NPR1: variants seen among roughly 807,000 people sequenced by gnomAD.
NPR1 encodes the protein atrial natriuretic peptide receptor 1.
In NPR1, 57 loss-of-function variants were observed where a neutral mutation model predicts 116.9. The ratio of observed to expected loss-of-function variants is 0.49; its 90% CI spans 0.39 to 0.61. NPR1 has a LOEUF of 0.61. NPR1 is among the 20% of genes least tolerant of loss of function. The probability of loss-of-function intolerance (pLI) is 0.00; values close to 1 mark genes in which losing one functional copy is unlikely to be tolerated. For synonymous variants in NPR1, 555 were observed against 601.6 expected (o/e 0.92, Z 1.13); for missense variants, 1,096 against 1,409.8 (o/e 0.78, Z 3.56).
chr1:153,679,143 T>C lies in NPR1; in HGVS notation c.35T>C (p.Leu12Pro). The C allele has an allele frequency of 6.8e-7, 1 of 1,465,926 alleles. No homozygotes were observed. The highest frequency in any genetic ancestry group is 2.8e-5 in the East Asian group (1 of 35,504). The allele number at this position is 1,465,926 out of a possible 1,614,324, so 90.8% of individuals were successfully genotyped here. A position where few individuals can be genotyped will look rare whatever the true frequency, so the allele number is the denominator to read the frequency against. ...PGPRRPAGSR[L>P]RLLLLLLLPP... ...CCCCGGCGCCCCGCTGGCTCCCGCC[T>C]GCGCCTGCTCCTGCTCCTGCTGCTG... The change falls in exon 1 of 22, where the codon CTG becomes CCG. Residue 12 changes from leucine to proline, a missense_variant. By Grantham distance (98) the Leu-to-Pro change is moderately conservative (BLOSUM62 -3). Coordinates refer to ENST00000368680, the MANE Select transcript of NPR1 (RefSeq NM_000906.4). The surrounding 1 kb of genome is among the most constrained non-coding windows in gnomAD (Gnocchi z 4.2).
At chr1:153,685,675 C>G (rs1669906187) in intron 8 of NPR1, 131 bp from the exon 9 acceptor site, 2 of 725,880 alleles carry the variant, frequency 2.8e-6, no homozygotes, top group African/African-American at 1.8e-5. Flanking sequence ...AAAAAAAACC[C>G]AACAACAAAA....
chr1:153,690,275 T>C lies in NPR1; in HGVS notation c.2933-9T>C, dbSNP rs1670069925. The C allele has an allele frequency of 1.3e-6, 2 of 1,551,768 alleles. No individual in the cohort carries two copies. The highest frequency in any genetic ancestry group is 8.7e-7 in the Non-Finnish European group (1 of 1,145,786). On this transcript the variant is annotated splice_polypyrimidine_tract_variant and intron_variant, in intron 19 of 21. Coordinates refer to ENST00000368680, the MANE Select transcript of NPR1 (RefSeq NM_000906.4). ...TGATGGGCTCTGCTCCTTCCCTTGCTCCTCCCAGGACCTGTGTGTGCTGGA... is the reference window on the plus strand; with the variant it reads ...TGATGGGCTCTGCTCCTTCCCTTGCCCCTCCCAGGACCTGTGTGTGCTGGA...
At position 153,688,034 on chromosome 1, in the gene NPR1, C is replaced by T; in HGVS notation, c.2249-19C>T. 6.4e-7 allele frequency: 1 copy of T among 1,553,006 alleles called. No homozygotes were observed. Reference sequence around the variant, plus strand: ...CTTGGCCAGCCCCACCCCTCAGCTCCTCTACCCCCCCAATACAGAGATCAT... The same window carrying T: ...CTTGGCCAGCCCCACCCCTCAGCTCTTCTACCCCCCCAATACAGAGATCAT... On this transcript the variant is annotated intron_variant, in intron 14 of 21. Coordinates refer to ENST00000368680, the MANE Select transcript of NPR1 (RefSeq NM_000906.4).
chr1:153,683,961 G>C (rs1029387940), intron 7 of NPR1, 137 bp downstream of exon 7: 1 of 729,160 alleles, frequency 1.4e-6, no homozygotes, highest in Non-Finnish European at 2.4e-6. Flanking sequence ...GAGGAAGAAA[G>C]GAGGCTTAAA....
At chr1:153,691,886 CAA>C (rs5777878) in intron 20 of NPR1, among the ~76,000 whole-genome samples, 16 of 133,142 alleles carry the variant, frequency 1.2e-4, no homozygotes, top group African/African-American at 2.1e-4. Flanking sequence ...GACTCTGTCT[CAA>C]AAAAAAAAAA....
At chr1:153,681,059 G>C in intron 2 of NPR1, 121 bp from the exon 3 acceptor site, 1 of 682,694 alleles carries the variant, frequency 1.5e-6, no homozygotes, top group East Asian at 2.5e-5. Flanking sequence ...ATAGGGTCCA[G>C]TTTGACCTTG....
rs780260155 is a variant in NPR1 at position 153,693,430 on chromosome 1, ATC to A, written c.*17_*18del. ...CCGAGGCTGACCTGCCTCCTCTCCT[ATC>A]CCTCCACACCTCCCTACCCTGTGCC... On this transcript the variant is annotated 3_prime_UTR_variant, in exon 22 of 22. Transcript: ENST00000368680. 1.9e-6 allele frequency: 3 copies of A among 1,567,030 alleles called. No homozygotes were observed. Among genetic ancestry groups the A allele is most frequent in the Non-Finnish European group, 2.6e-6 (3 of 1,158,834 alleles).
chr1:153,688,228 GGT>G lies in NPR1; in HGVS notation c.2417+10_2417+11del, dbSNP rs1162941372. ...CGTTGCGCAAATTTAACAGGTCCCT[GGT>G]GTTTGTCATGGATCCCCCAGGCCCT... On this transcript the variant is annotated splice_region_variant and intron_variant, in intron 15 of 21. Transcript: ENST00000368680. 1.2e-6 allele frequency: 2 copies of G among 1,612,214 alleles called. No homozygotes were observed. Among genetic ancestry groups the G allele is most frequent in the Middle Eastern group, 1.7e-4 (1 of 6,046 alleles).
chr1:153,680,668 G>A lies in NPR1; in HGVS notation c.889G>A (p.Gly297Arg), dbSNP rs1669746109. 6.2e-7 allele frequency: 1 copy of A among 1,614,000 alleles called. No homozygotes were observed. Among genetic ancestry groups the A allele is most frequent in the Non-Finnish European group, 8.5e-7 (1 of 1,179,980 alleles). Residue 297 changes from glycine (G) to arginine (R), a missense_variant, in exon 2 of 22, where the codon GGG (glycine) becomes AGG (arginine). Coordinates refer to ENST00000368680, the MANE Select transcript of NPR1 (RefSeq NM_000906.4). ...APRRPWERGD[G>R]QDVSARQAFQ... ...CCGCAGGCCCTGGGAGAGAGGGGAT[G>A]GGCAGGATGTCAGTGCCCGCCAGGC...
chr1:153,679,805 C>A lies in NPR1; in HGVS notation c.697C>A (p.Arg233=), dbSNP rs755262772. 3 of 1,544,224 alleles carry A rather than the reference C, an allele frequency of 1.9e-6. No individual in the cohort carries two copies. Among genetic ancestry groups the A allele is most frequent in the Non-Finnish European group, 2.6e-6 (3 of 1,149,324 alleles). ...CCTCAGCCACTACACCAGGCTGCTG[C>A]GGACCATGCCGCGCAAAGGCCGAGG... ...DDLSHYTRLL[R]TMPRKGRVIY... The change falls in exon 1 of 22, where the codon CGG becomes AGG. Residue 233 remains arginine, a synonymous_variant. Coordinates refer to ENST00000368680, the MANE Select transcript of NPR1 (RefSeq NM_000906.4). This position sits in a 1 kb window ranked among gnomAD's most constrained non-coding sequence, Gnocchi z 4.2.
Position 153,680,763 on chromosome 1 carries a change from T to A in NPR1, c.921+63T>A. 3 of 1,347,562 alleles carry A rather than the reference T, an allele frequency of 2.2e-6. No homozygotes were observed. In the South Asian group the frequency reaches 3.9e-5, roughly 17 times the overall value. The allele number at this position is 1,347,562 out of a possible 1,614,324, so 83.5% of individuals were successfully genotyped here. ...TGTGGCACATCATTTCTGGGCACTG[T>A]GTCCCTCAGCGTCTGAAAGAATTCC... On this transcript the variant is annotated intron_variant, in intron 2 of 21. Coordinates refer to ENST00000368680, the MANE Select transcript of NPR1 (RefSeq NM_000906.4).
chr1:153,678,958 A>G lies in NPR1; in HGVS notation c.-151A>G. ...TCTCGGCCCAGACCGTCGCAGCTAC[A>G]GGGGGCCTCGAGCCCCGGGGTGAGC... is the stretch of plus-strand genomic sequence containing the variant. On this transcript the variant is annotated 5_prime_UTR_variant, in exon 1 of 22. Transcript: ENST00000368680. This position sits in a 1 kb window ranked among gnomAD's most constrained non-coding sequence, Gnocchi z 5.8. 2.9e-6 allele frequency: 3 copies of G among 1,028,882 alleles called. No homozygotes were observed. The highest frequency in any genetic ancestry group is 3.9e-6 in the Non-Finnish European group (3 of 767,742). The allele number at this position is 1,028,882 out of a possible 1,614,324, so 63.7% of individuals were successfully genotyped here.
At chr1:153,690,440 T>A (rs1670075862) in intron 20 of NPR1, 58 bp downstream of exon 20, 1 of 1,316,424 alleles carries the variant, frequency 7.6e-7, no homozygotes, top group Non-Finnish European at 1.1e-6. Flanking sequence ...GGAAATGCCA[T>A]CCTGGGGCAG....
intron 1 of NPR1, 109 bp from the exon 2 acceptor site, chr1:153,680,392 T>A: frequency 3.3e-6 from 3 of 915,070 alleles, no homozygotes; most frequent in Non-Finnish European, 5.1e-6. Context: ...TCACTGGGTC[T>A]CTCCTGCACC....
In NPR1 at chr1:153,687,684, C is replaced by T. The variant is rs770463801; in HGVS notation, c.2143C>T (p.Arg715Trp). The T allele has an allele frequency of 1.1e-5, 18 of 1,605,812 alleles. No homozygotes were observed. The highest frequency in any genetic ancestry group is 1.4e-5 in the Non-Finnish European group (17 of 1,173,506). ...ELLRMASPPV[R>W]GSQAGDVYSF... ...CCTGCGAATGGCTTCACCCCCTGTG[C>T]GGGGCTCCCAGGCTGGTGACGTATA... The change falls in exon 14 of 22, where the codon CGG (arginine) becomes TGG (tryptophan). Residue 715 changes from arginine to tryptophan, a missense_variant. Arg to Trp is a moderately radical substitution (Grantham distance 101, BLOSUM62 -3). Coordinates refer to ENST00000368680, the MANE Select transcript of NPR1 (RefSeq NM_000906.4).
chr1:153,683,873 C>A, intron 7 of NPR1, 49 bp downstream of exon 7: 2 of 1,557,500 alleles, frequency 1.3e-6, no homozygotes, highest in Non-Finnish European at 1.8e-6. Flanking sequence ...CCCGGAGAAC[C>A]AATAGCAGAG....
chr1:153,679,161 TGCTGCTGCCGCC>T lies in NPR1; in HGVS notation c.62_73del (p.Pro21_Leu24del), dbSNP rs1398973985. On this transcript the variant is annotated inframe_deletion, in exon 1 of 22. Coordinates refer to ENST00000368680, the MANE Select transcript of NPR1 (RefSeq NM_000906.4). This position sits in a 1 kb window ranked among gnomAD's most constrained non-coding sequence, Gnocchi z 4.2. ...TCCCGCCTGCGCCTGCTCCTGCTCC[TGCTGCTGCCGCC>T]GCTGCTGCTGCTGCTCCGGGGCAGC... is the stretch of plus-strand genomic sequence containing the variant. 6.0e-6 allele frequency: 9 copies of T among 1,500,272 alleles called. No homozygotes were observed. The Admixed American group carries it at 1.1e-4, about 18-fold the overall frequency. The allele number at this position is 1,500,272 out of a possible 1,614,324, so 92.9% of individuals were successfully genotyped here.
rs756510209 is a variant in NPR1 at position 153,688,197 on chromosome 1, G to A, written c.2393G>A (p.Arg798His). 1.4e-5 allele frequency: 23 copies of A among 1,613,536 alleles called. No homozygotes were observed. Among genetic ancestry groups the A allele is most frequent in the East Asian group, 2.2e-5 (1 of 44,884 alleles). Residue 798 changes from arginine to histidine, a missense_variant, in exon 15 of 22, where the codon CGC (arginine) becomes CAC (histidine). Arg to His is a conservative substitution (Grantham distance 29). Transcript: ENST00000368680. ...PQERPPFQQI[R>H]LTLRKFNREN... is the part of the protein sequence containing the mutation. The stretch of plus-strand genomic sequence containing the variant: ...GAGAGGCCACCATTCCAGCAGATCC[G>A]CCTGACGTTGCGCAAATTTAACAGG...
Position 153,689,569 on chromosome 1 carries a change from G to T in NPR1, c.2757+48G>T. 6.4e-7 allele frequency: 1 copy of T among 1,563,190 alleles called. No individual in the cohort carries two copies. On this transcript the variant is annotated intron_variant, in intron 18 of 21. Coordinates refer to ENST00000368680, the MANE Select transcript of NPR1 (RefSeq NM_000906.4). The surrounding 1 kb of genome is among the most constrained non-coding windows in gnomAD (Gnocchi z 5.1). ...GAAGGGACAGACAGACATGGACAAGGTCAGAAAAAGATGAGGGGTAGGCAG... is the reference window on the plus strand; with the variant it reads ...GAAGGGACAGACAGACATGGACAAGTTCAGAAAAAGATGAGGGGTAGGCAG...
Sources: allele counts gnomAD v4.1 joint callset (sites outside exome capture counted in the v4.1 genomes callset), GRCh38; gene constraint gnomAD v4.1.1; non-coding constraint Gnocchi (gnomAD v3.1); transcripts MANE v1.5; gene names NCBI Gene and HGNC (gene_info 2026-07-23, HGNC 2026-07-21).